Variants in HNF4A observed in about 807,000 individuals in gnomAD.
HNF4A encodes the protein hepatocyte nuclear factor 4-alpha.
Under a neutral mutation model 52.4 loss-of-function variants are expected in HNF4A, and 15 were observed. The observed-to-expected ratio is 0.29, with a 90% CI of 0.19 to 0.44. HNF4A has a LOEUF of 0.44. HNF4A is among the 20% of genes least tolerant of loss of function. The probability of loss-of-function intolerance (pLI) is 1.00; values close to 1 mark genes in which losing one functional copy is unlikely to be tolerated. For synonymous variants in HNF4A, 280 were observed against 264.4 expected, an observed-to-expected ratio of 1.06 and a Z score of -0.57; for missense variants, 479 against 647.2, an observed-to-expected ratio of 0.74 and a Z score of 2.82.
chr20:44,413,172 C>T (rs1478417005), intron 3 of HNF4A, among the ~76,000 whole-genome samples: 1 of 152,212 alleles, frequency 6.6e-6, no homozygotes, highest in East Asian at 1.9e-4. Flanking sequence ...GAGACAGCGC[C>T]TGGCCTTGCT....
rs1298286505 is a variant in HNF4A, at chr20:44,401,321, C to T, written c.-52C>T. 6 of 922,398 alleles carry T rather than the reference C, an allele frequency of 6.5e-6. No homozygotes were observed. Among genetic ancestry groups the T allele is most frequent in the East Asian group, 3.1e-5 (1 of 32,060 alleles). 57.1% of individuals were successfully genotyped at this position (922,398 alleles called of 1,614,324 possible). A position where few individuals can be genotyped will look rare whatever the true frequency, so the allele number is the denominator to read the frequency against. The stretch of plus-strand genomic sequence containing the variant: ...TGGGAGGGCGGAGGGCGGGGGCCTT[C>T]GGGGTGGGCGCCCAGGGTAGGGCAG... On this transcript the variant is annotated 5_prime_UTR_variant, in exon 1 of 10. Transcript: ENST00000316099.
intron 1 of HNF4A, among the ~76,000 whole-genome samples, chr20:44,378,887 C>G (rs1317472602): frequency 6.7e-6 from 1 of 148,930 alleles, no homozygotes; most frequent in Non-Finnish European, 1.5e-5. Flanking sequence ...CCACTGCACT[C>G]CAGCCTGGGC....
intron 1 of HNF4A, among the ~76,000 whole-genome samples, chr20:44,371,355 G>T (rs2063031916): frequency 6.6e-6 from 1 of 152,214 alleles, no homozygotes; most frequent in Non-Finnish European, 1.5e-5. Flanking sequence ...TGGGCTCACT[G>T]CAATCTCCGC....
chr20:44,426,682 C>G (rs1012848689), intron 8 of HNF4A, among the ~76,000 whole-genome samples: 2 of 152,120 alleles, frequency 1.3e-5, no homozygotes, highest in Non-Finnish European at 2.9e-5. Context: ...TGGCATGCAC[C>G]TGTAATCCCA....
intron 1 of HNF4A, among the ~76,000 whole-genome samples, chr20:44,377,038 C>CAAAA (rs1600652353): frequency 6.6e-6 from 1 of 150,978 alleles, no homozygotes; most frequent in East Asian, 2.0e-4. Flanking sequence ...CTGTCTCTAT[C>CAAAA]AAAAAATAAA....
intron 1 of HNF4A, among the ~76,000 whole-genome samples, chr20:44,391,183 T>C (rs116510405): frequency 0.013 from 1,934 of 152,224 alleles, 48 homozygotes; most frequent in African/African-American, 0.045. Context: ...TCGGCCATGC[T>C]TCCCTCCCTG....
intron 6 of HNF4A, among the ~76,000 whole-genome samples, 163 bp downstream of exon 6, chr20:44,418,675 T>C (rs1306669698): frequency 6.6e-6 from 1 of 152,224 alleles, no homozygotes; most frequent in East Asian, 1.9e-4. Context: ...GACTCAGTTT[T>C]CAACTGGGTA....
chr20:44,417,220 A>T (rs930156595), intron 5 of HNF4A, among the ~76,000 whole-genome samples: 10 of 152,298 alleles, frequency 6.6e-5, no homozygotes, highest in African/African-American at 2.4e-4. Context: ...AACCTTGAAG[A>T]TGAGAAGATG....
intron 1 of HNF4A, among the ~76,000 whole-genome samples, chr20:44,368,404 T>C (rs2062996076): frequency 1.3e-5 from 2 of 151,602 alleles, no homozygotes; most frequent in South Asian, 4.2e-4. Context: ...TGACCTCAAG[T>C]GATCCACCTG....
chr20:44,358,089 G>T (rs2062876962), intron 1 of HNF4A, among the ~76,000 whole-genome samples: 2 of 145,664 alleles, frequency 1.4e-5, no homozygotes, highest in African/African-American at 2.6e-5. Context: ...TGATATTTTT[G>T]ATAAAATACA....
chr20:44,383,249 C>G (rs556106643), intron 1 of HNF4A, among the ~76,000 whole-genome samples: 13 of 152,338 alleles, frequency 8.5e-5, no homozygotes, highest in African/African-American at 3.1e-4. Flanking sequence ...ATAGCACTCA[C>G]TAAGTGCCAG....
At chr20:44,416,521 C>A (rs1172508496) in intron 5 of HNF4A, among the ~76,000 whole-genome samples, 1 of 152,260 alleles carries the variant, frequency 6.6e-6, no homozygotes, top group East Asian at 1.9e-4. Flanking sequence ...GCGCAGGAGG[C>A]GCTTGGCAAT....
At chr20:44,358,644 C>A (rs547322563) in intron 1 of HNF4A, among the ~76,000 whole-genome samples, 1 of 151,882 alleles carries the variant, frequency 6.6e-6, no homozygotes, top group East Asian at 1.9e-4. Context: ...AAACAAAAAA[C>A]AAACAAAAAA....
chr20:44,416,752 G>A (rs1349384767), intron 5 of HNF4A, among the ~76,000 whole-genome samples: 2 of 152,062 alleles, frequency 1.3e-5, no homozygotes, highest in South Asian at 2.1e-4. Context: ...AATATTTATT[G>A]AAGGCTTATT....
chr20:44,394,537 A>G (rs1361630190), intron 1 of HNF4A, among the ~76,000 whole-genome samples: 1 of 152,174 alleles, frequency 6.6e-6, no homozygotes, highest in Non-Finnish European at 1.5e-5. Flanking sequence ...TGGCTCTGAC[A>G]CTGCAGAGTT....
intron 1 of HNF4A, among the ~76,000 whole-genome samples, chr20:44,380,249 G>C (rs1435210086): frequency 6.6e-6 from 1 of 152,178 alleles, no homozygotes; most frequent in Non-Finnish European, 1.5e-5. Flanking sequence ...GTGCTTAATG[G>C]TTATTTGTAT....
intron 1 of HNF4A, among the ~76,000 whole-genome samples, chr20:44,373,775 C>T (rs557795146): frequency 9.2e-5 from 14 of 151,994 alleles, no homozygotes; most frequent in Middle Eastern, 3.4e-3. Flanking sequence ...CTGCAACCTC[C>T]GCCTCCTGGG....
At chr20:44,386,031 T>TGTA (rs34567497) in intron 1 of HNF4A, among the ~76,000 whole-genome samples, 49,680 of 149,078 alleles carry the variant, frequency 0.33, 8,507 homozygotes, top group South Asian at 0.43. Context: ...GGCTAATTTT[T>TGTA]TTTTTAATAG....
At chr20:44,401,218 G>A (rs563697387), upstream of HNF4A, 1 of 1,517,772 alleles carries the variant, frequency 6.6e-7, no homozygotes, top group African/African-American at 1.4e-5. Flanking sequence ...CCTTCACAGA[G>A]GCTAGGCCAA....
Sources: allele counts gnomAD v4.1 joint callset (sites outside exome capture counted in the v4.1 genomes callset), GRCh38; gene constraint gnomAD v4.1.1; transcripts MANE v1.5; gene names NCBI Gene and HGNC (gene_info 2026-07-23, HGNC 2026-07-21).